Variants in NUS1 observed in about 807,000 individuals in gnomAD.
NUS1 encodes NUS1 dehydrodolichyl diphosphate synthase subunit, also known as dehydrodolichyl diphosphate synthase complex subunit NUS1.
For synonymous variants in NUS1, 135 were observed against 155.2 expected (o/e 0.87, Z 0.97); for missense variants, 292 against 382.9 (o/e 0.76, Z 1.98).
chr6:117,691,580 T>C (rs1283050434), intron 1 of NUS1, among the ~76,000 whole-genome samples: 2 of 124,416 alleles, frequency 1.6e-5, no homozygotes, highest in Non-Finnish European at 3.8e-5. Context: ...TATATATATA[T>C]ATATATAGTT....
chr6:117,680,167 A>G (rs747522124), intron 1 of NUS1, among the ~76,000 whole-genome samples: 2 of 152,226 alleles, frequency 1.3e-5, no homozygotes, highest in African/African-American at 4.8e-5. Flanking sequence ...GTCTGCAAGT[A>G]ATTCTTTCAT....
chr6:117,686,852 A>ATGTGTGTGTGTGTGTGTGTGTGTGTG, intron 1 of NUS1, among the ~76,000 whole-genome samples: 1 of 139,308 alleles, frequency 7.2e-6, no homozygotes, highest in Admixed American at 7.1e-5. Context: ...TGAAGTGTGT[A>ATGTGTGTGTGTGTGTGTGTGTGTGTG]TGTGTGTGTG....
intron 1 of NUS1, among the ~76,000 whole-genome samples, chr6:117,684,816 CA>C (rs1282199502): frequency 6.6e-6 from 1 of 151,984 alleles, no homozygotes; most frequent in East Asian, 1.9e-4. Context: ...AAAAAAACAG[CA>C]AAAAACTTTT....
intron 1 of NUS1, among the ~76,000 whole-genome samples, chr6:117,682,598 A>G (rs193034779): frequency 2.6e-5 from 4 of 152,292 alleles, no homozygotes; most frequent in Non-Finnish European, 4.4e-5. Context: ...GCCTCAATCA[A>G]TCAATCAATA....
At chr6:117,706,012 G>A (rs1688594799) in intron 4 of NUS1, among the ~76,000 whole-genome samples, 2 of 152,012 alleles carry the variant, frequency 1.3e-5, no homozygotes, top group African/African-American at 4.8e-5. Context: ...CTCTTTTTTT[G>A]TGGTGCATGT....
chr6:117,677,567 T>C (rs78073370), intron 1 of NUS1, among the ~76,000 whole-genome samples: 1,900 of 152,294 alleles, frequency 0.012, 39 homozygotes, highest in African/African-American at 0.044. Flanking sequence ...TTTGTCAGAT[T>C]GGTAAATTTA....
intron 1 of NUS1, among the ~76,000 whole-genome samples, chr6:117,676,415 C>G (rs1432071026): frequency 6.6e-6 from 1 of 152,062 alleles, no homozygotes; most frequent in Non-Finnish European, 1.5e-5. Context: ...CCCGTTTCTA[C>G]TAAAAATACA....
chr6:117,689,309 C>T (rs1773182231), intron 1 of NUS1, among the ~76,000 whole-genome samples: 1 of 152,112 alleles, frequency 6.6e-6, no homozygotes, highest in Non-Finnish European at 1.5e-5. Flanking sequence ...CCATTTTAAT[C>T]TGGAGGCTAA....
At chr6:117,692,581 TA>T (rs1479688276) in intron 1 of NUS1, among the ~76,000 whole-genome samples, 1 of 152,116 alleles carries the variant, frequency 6.6e-6, no homozygotes, top group African/African-American at 2.4e-5. Flanking sequence ...TCTTATGATT[TA>T]AAAAACTAAT....
intron 2 of NUS1, 73 bp from the exon 3 acceptor site, chr6:117,693,958 T>G: frequency 6.6e-7 from 1 of 1,520,756 alleles, no homozygotes; most frequent in Non-Finnish European, 8.8e-7. Flanking sequence ...TAACCTTGTA[T>G]TTCTTAAAAC....
intron 3 of NUS1, 148 bp downstream of exon 3, chr6:117,694,328 T>C (rs1003872817): frequency 7.1e-6 from 3 of 422,558 alleles, no homozygotes; most frequent in Non-Finnish European, 1.2e-5. Context: ...ACCTGTTAAA[T>C]TTCTGAAATT....
At position 117,709,852 on chromosome 6, in the gene NUS1, G is replaced by A. The variant is rs1456307995; in HGVS notation, c.*2837G>A. ...ATTATGTGAATGCTACATTTGTTCT[G>A]AACACTTAGGGGCTGCAAAAATGTA... On this transcript the variant is annotated 3_prime_UTR_variant, in exon 5 of 5. Coordinates refer to ENST00000368494, the MANE Select transcript of NUS1 (RefSeq NM_138459.5). 6.6e-6 allele frequency: 1 copy of A among 152,458 alleles called. No homozygotes were observed. Among genetic ancestry groups the A allele is most frequent in the African/African-American group, 2.4e-5 (1 of 41,402 alleles). The allele number at this position is 152,458 out of a possible 1,614,324, so 9.4% of individuals were successfully genotyped here.
intron 3 of NUS1, among the ~76,000 whole-genome samples, chr6:117,695,384 CA>C (rs1162830294): frequency 6.6e-6 from 1 of 152,088 alleles, no homozygotes; most frequent in Non-Finnish European, 1.5e-5. Context: ...CCTACCCTGT[CA>C]TTGCCTAATT....
chr6:117,690,777 G>A (rs535770526), intron 1 of NUS1, among the ~76,000 whole-genome samples: 1 of 152,048 alleles, frequency 6.6e-6, no homozygotes, highest in Non-Finnish European at 1.5e-5. Flanking sequence ...GGATCACGAG[G>A]TCCGGAGGTC....
intron 1 of NUS1, among the ~76,000 whole-genome samples, chr6:117,692,669 A>G (rs1773239899): frequency 6.6e-6 from 1 of 152,150 alleles, no homozygotes; most frequent in Admixed American, 6.5e-5. Context: ...GAGGAACATA[A>G]CAGGCTCTAG....
intron 1 of NUS1, among the ~76,000 whole-genome samples, chr6:117,683,426 T>C (rs1476216322): frequency 6.6e-6 from 1 of 152,220 alleles, no homozygotes; most frequent in Admixed American, 6.5e-5. Context: ...TTTTTCATTT[T>C]AAATAATTGC....
chr6:117,687,930 A>G (rs1773163684), intron 1 of NUS1, among the ~76,000 whole-genome samples: 1 of 152,212 alleles, frequency 6.6e-6, no homozygotes, highest in Admixed American at 6.5e-5. Flanking sequence ...ATTATAAGGA[A>G]GTAGGCTGGG....
At chr6:117,676,132 G>T in intron 1 of NUS1, 47 bp downstream of exon 1, 2 of 1,549,024 alleles carry the variant, frequency 1.3e-6, no homozygotes, top group Non-Finnish European at 1.7e-6. Context: ...GTCTTGGACC[G>T]CTAGACCGCT....
At chr6:117,686,397 C>G (rs1773140909) in intron 1 of NUS1, among the ~76,000 whole-genome samples, 1 of 152,000 alleles carries the variant, frequency 6.6e-6, no homozygotes, top group Non-Finnish European at 1.5e-5. Context: ...AGTATTGTTC[C>G]TTTATCAGAG....
Sources: gnomAD v4.1 joint callset for allele counts (sites outside exome capture counted in the v4.1 genomes callset) on GRCh38, gnomAD v4.1.1 for gene constraint, MANE v1.5 for transcripts, NCBI Gene and HGNC (gene_info 2026-07-23, HGNC 2026-07-21) for gene names.